RPS6KA2: variants seen among roughly 807,000 people sequenced by gnomAD.
RPS6KA2 encodes the protein ribosomal protein S6 kinase alpha-2.
RPS6KA2 carries 42 observed loss-of-function variants against 91.8 expected under a neutral mutation model. The observed-to-expected ratio is 0.46, with a 90% CI of 0.36 to 0.59. RPS6KA2 has a LOEUF of 0.59. Ranked by LOEUF, RPS6KA2 falls within the 20% of genes least tolerant of loss-of-function variation. RPS6KA2 has a pLI of 0.00. For synonymous variants in RPS6KA2, 414 were observed against 393.6 expected (o/e 1.05, Z -0.61); for missense variants, 798 against 978.5 (o/e 0.82, Z 2.46).
At chr6:166,578,306 T>C (rs1253438697) in intron 1 of RPS6KA2, among the ~76,000 whole-genome samples, 3 of 152,136 alleles carry the variant, frequency 2.0e-5, no homozygotes, top group Non-Finnish European at 4.4e-5. Context: ...CACACCTACA[T>C]GTACTGTCCT....
At chr6:166,440,117 G>T (rs1779472719) in intron 14 of RPS6KA2, 1 of 152,218 alleles carries the variant, frequency 6.6e-6, no homozygotes, top group African/African-American at 2.4e-5. Flanking sequence ...ATAAGCTCAG[G>T]TTGTTTTAAG....
chr6:166,430,564 A>G lies in RPS6KA2; in HGVS notation c.1470T>C (p.Arg490=). ...GGATGCGGTCCAGGAGCTCCCCACC[A>G]CGCATCAGCTCCATTACCAGGTACA... is the stretch of plus-strand genomic sequence containing the variant. The part of the protein sequence containing the change: ...KFVYLVMELM[R]GGELLDRILR... Residue 490 remains arginine, a synonymous_variant, in exon 16 of 21, where the codon CGT becomes CGC. Transcript: ENST00000265678. 6.2e-7 allele frequency: 1 copy of G among 1,613,942 alleles called. No homozygotes were observed. Among genetic ancestry groups the G allele is most frequent in the Non-Finnish European group, 8.5e-7 (1 of 1,179,960 alleles).
At chr6:166,503,052 C>T (rs1045424273) in intron 6 of RPS6KA2, among the ~76,000 whole-genome samples, 3 of 152,202 alleles carry the variant, frequency 2.0e-5, no homozygotes, top group African/African-American at 7.2e-5. Flanking sequence ...TTCTACACAT[C>T]ACCTGGAGCT....
intron 2 of RPS6KA2, among the ~76,000 whole-genome samples, chr6:166,672,202 T>C (rs568764193): frequency 1.3e-5 from 2 of 152,192 alleles, no homozygotes; most frequent in South Asian, 2.1e-4. Context: ...AGGGAGGGAC[T>C]GCTCCAGGTA....
At chr6:166,576,079 G>A (rs1405932122) in intron 1 of RPS6KA2, among the ~76,000 whole-genome samples, 9 of 152,062 alleles carry the variant, frequency 5.9e-5, no homozygotes, top group Non-Finnish European at 1.5e-5. Flanking sequence ...GTTTATCAGG[G>A]GCTTCTGCCT....
chr6:166,831,102 T>C (rs1165843684), intron 2 of RPS6KA2, among the ~76,000 whole-genome samples: 2 of 152,040 alleles, frequency 1.3e-5, no homozygotes, highest in Non-Finnish European at 2.9e-5. Flanking sequence ...ATTGGGTCCA[T>C]CCACGGAGAG....
intron 2 of RPS6KA2, among the ~76,000 whole-genome samples, chr6:166,658,304 A>C (rs1479233192): frequency 6.6e-6 from 1 of 152,306 alleles, no homozygotes; most frequent in Admixed American, 6.5e-5. Flanking sequence ...TGAACGCTGC[A>C]TGTGATGCCC....
chr6:166,480,509 ATATAT>A (rs1312960514), intron 10 of RPS6KA2, among the ~76,000 whole-genome samples: 4 of 101,676 alleles, frequency 3.9e-5, no homozygotes, highest in Non-Finnish European at 6.1e-5. Context: ...ATATATATAT[ATATAT>A]AATATATTTT....
chr6:166,653,303 C>T (rs895403698), intron 2 of RPS6KA2, among the ~76,000 whole-genome samples: 5 of 152,208 alleles, frequency 3.3e-5, no homozygotes, highest in Admixed American at 2.0e-4. Flanking sequence ...TCATGTAATC[C>T]GCCCGCCTCA....
chr6:166,787,602 G>T (rs924628960), intron 2 of RPS6KA2, among the ~76,000 whole-genome samples: 9 of 151,968 alleles, frequency 5.9e-5, no homozygotes, highest in Non-Finnish European at 1.0e-4. Flanking sequence ...ACCCTTCACT[G>T]GGAAAACTGA....
chr6:166,579,175 T>C (rs936125741), intron 1 of RPS6KA2, among the ~76,000 whole-genome samples: 10 of 152,272 alleles, frequency 6.6e-5, no homozygotes, highest in South Asian at 2.1e-4. Flanking sequence ...AGTATCCGTT[T>C]ATGCTGTTTA....
intron 2 of RPS6KA2, among the ~76,000 whole-genome samples, chr6:166,670,291 G>A (rs529737698): frequency 5.3e-5 from 8 of 152,328 alleles, no homozygotes; most frequent in South Asian, 2.1e-4. Context: ...CCTGCAACAC[G>A]CGCATGAGTG....
In RPS6KA2 at chr6:166,747,459, C is replaced by G. The variant is rs112234222; in HGVS notation, c.123+110741G>C. On this transcript the variant is annotated intron_variant, in intron 2 of 21. Coordinates refer to the RPS6KA2 transcript ENST00000503859. ...GAGGCTATTTCAAACTTTTGCACAC[C>G]GACAATGTTCTACAACATCCTTCAC... 1.1e-3 allele frequency among the ~76,000 whole-genome samples: 169 copies of G among 152,288 alleles called. 2 individuals carry two copies. The highest frequency in any genetic ancestry group is 3.4e-3 in the Middle Eastern group (1 of 294).
At position 166,530,594 on chromosome 6, in the gene RPS6KA2, T is replaced by C. The variant is rs79597525; in HGVS notation, c.298+638A>G. On this transcript the variant is annotated intron_variant, in intron 3 of 20. Coordinates refer to ENST00000265678, the MANE Select transcript of RPS6KA2 (RefSeq NM_021135.6). ...GTGTGTTCAATCGCCTAATGCTGTT[T>C]AGGGCAGGGGGAAGTTCCCTCTCTC... Among the ~76,000 whole-genome samples the C allele has an allele frequency of 8.8e-3, 1,336 of 152,312 alleles. 7 individuals carry two copies. The highest frequency in any genetic ancestry group is 0.015 in the Non-Finnish European group (1,022 of 68,032).
In RPS6KA2 at chr6:166,508,077, A is replaced by AC. The variant is rs1307509508; in HGVS notation, c.459+125dup. On this transcript the variant is annotated intron_variant, in intron 5 of 20. Transcript: ENST00000265678. This position sits in a 1 kb window ranked among gnomAD's most constrained non-coding sequence, Gnocchi z 4.3. The stretch of plus-strand genomic sequence containing the variant: ...CTTGCACACACTCACACATGCACAC[A>AC]CCCCCACACACACACACGCACTCTC... The AC allele has an allele frequency of 2.0e-5, 12 of 614,932 alleles. No individual in the cohort carries two copies. The highest frequency in any genetic ancestry group is 8.5e-5 in the East Asian group (3 of 35,204). The allele number at this position is 614,932 out of a possible 1,614,324, so 38.1% of individuals were successfully genotyped here. A position where few individuals can be genotyped will look rare whatever the true frequency, so the allele number is the denominator to read the frequency against.
intron 3 of RPS6KA2, among the ~76,000 whole-genome samples, chr6:166,515,626 T>C: frequency 7.0e-6 from 1 of 143,158 alleles, no homozygotes; most frequent in African/African-American, 3.1e-5. Flanking sequence ...GGAGCTCTTG[T>C]ATCTACTACC....
intron 3 of RPS6KA2, among the ~76,000 whole-genome samples, chr6:166,526,860 G>A (rs181562049): frequency 1.3e-5 from 2 of 152,316 alleles, no homozygotes; most frequent in East Asian, 3.9e-4. Flanking sequence ...CTGGCACAAT[G>A]TCCATCTCAT....
chr6:166,789,063 T>C (rs1779007170), intron 2 of RPS6KA2, among the ~76,000 whole-genome samples: 1 of 152,128 alleles, frequency 6.6e-6, no homozygotes, highest in African/African-American at 2.4e-5. Context: ...GGCGAGGCAT[T>C]ACCTCACTCG....
chr6:166,797,860 G>T (rs572372229), intron 2 of RPS6KA2, among the ~76,000 whole-genome samples: 36 of 152,068 alleles, frequency 2.4e-4, no homozygotes, highest in Non-Finnish European at 4.9e-4. Flanking sequence ...GTAACCGCCG[G>T]GTCCAGACAG....
Sources: gnomAD v4.1 joint callset for allele counts (sites outside exome capture counted in the v4.1 genomes callset) on GRCh38, gnomAD v4.1.1 for gene constraint, Gnocchi (gnomAD v3.1) non-coding constraint, MANE v1.5 for transcripts, NCBI Gene and HGNC (gene_info 2026-07-23, HGNC 2026-07-21) for gene names.